Variants in ZRANB3 observed in about 807,000 individuals in gnomAD.
ZRANB3 encodes the protein DNA annealing helicase and endonuclease ZRANB3.
A neutral mutation model predicts 133.8 loss-of-function variants in ZRANB3; 125 were observed. That is an observed-to-expected ratio of 0.93 (90% CI 0.81 to 1.08). The LOEUF (loss-of-function observed/expected upper bound fraction) is 1.08, where lower values mean the gene tolerates loss of function less well. ZRANB3 is among the 50% of genes least tolerant of loss of function. The pLI, the probability that ZRANB3 is intolerant of heterozygous loss-of-function variation, is 0.00. For synonymous variants in ZRANB3, 387 were observed against 432.7 expected, an observed-to-expected ratio of 0.89 and a Z score of 1.31; for missense variants, 1,229 against 1,275.5, an observed-to-expected ratio of 0.96 and a Z score of 0.56.
Position 135,520,773 on chromosome 2 carries a change from C to T in ZRANB3, c.-8+10354G>A, listed in dbSNP as rs947313761. Among the ~76,000 whole-genome samples, 11 of 151,900 alleles carry T rather than the reference C, an allele frequency of 7.2e-5. No homozygotes were observed. The East Asian group carries it at 7.8e-4, about 11-fold the overall frequency. On this transcript the variant is annotated intron_variant, in intron 1 of 20. Transcript: ENST00000264159. ...CTAATTTTTGTGTTTTTAGTAGAGACGGGGTTACACCATCTTGGTCAGGCT... is the reference window on the plus strand; with the variant it reads ...CTAATTTTTGTGTTTTTAGTAGAGATGGGGTTACACCATCTTGGTCAGGCT...
intron 3 of ZRANB3, among the ~76,000 whole-genome samples, chr2:135,359,017 T>A (rs1338262156): frequency 6.6e-6 from 1 of 151,874 alleles, no homozygotes; most frequent in Non-Finnish European, 1.5e-5. Context: ...CTTGGGAGCC[T>A]GCCCTCCTCA....
chr2:135,290,341 T>G (rs1681623139), intron 8 of ZRANB3, among the ~76,000 whole-genome samples: 1 of 152,226 alleles, frequency 6.6e-6, no homozygotes, highest in Non-Finnish European at 1.5e-5. Flanking sequence ...TTCATCATTA[T>G]ATAATGTCCC....
chr2:135,526,809 T>C (rs1009442407), intron 1 of ZRANB3, among the ~76,000 whole-genome samples: 5 of 152,194 alleles, frequency 3.3e-5, no homozygotes, highest in Non-Finnish European at 5.9e-5. Context: ...ATTTACAACC[T>C]GCTCTCTCTG....
chr2:135,290,544 T>C (rs1402011649), intron 8 of ZRANB3, among the ~76,000 whole-genome samples: 1 of 152,226 alleles, frequency 6.6e-6, no homozygotes, highest in African/African-American at 2.4e-5. Context: ...GAATTCTTAT[T>C]CATTCTGCCA....
Position 135,230,711 on chromosome 2 carries a change from G to C in ZRANB3, c.1756C>G (p.His586Asp). Residue 586 changes from histidine to aspartate, a missense_variant, in exon 13 of 21, where the codon CAC becomes GAC. By Grantham distance (81) the His-to-Asp change is moderately conservative. Transcript: ENST00000264159. Reference protein sequence around the residue: ...KRLKLAASEDHCSPSEETPSQ... With the variant: ...KRLKLAASEDDCSPSEETPSQ... The stretch of plus-strand genomic sequence containing the variant: ...GGTGTCTCTTCCGACGGACTGCAGT[G>C]GTCTTCCGAGGCAGCCAATTTCAAT... 1 of 1,612,822 alleles carries C rather than the reference G, an allele frequency of 6.2e-7. No homozygotes were observed. Among genetic ancestry groups the C allele is most frequent in the Non-Finnish European group, 8.5e-7 (1 of 1,179,514 alleles).
chr2:135,351,279 T>G (rs1337090783), intron 4 of ZRANB3, among the ~76,000 whole-genome samples: 1 of 148,678 alleles, frequency 6.7e-6, no homozygotes, highest in African/African-American at 2.5e-5. Flanking sequence ...TTTTTTTTTT[T>G]TTTTTTGAGA....
At chr2:135,313,810 T>A (rs1213966367) in intron 7 of ZRANB3, among the ~76,000 whole-genome samples, 1 of 152,202 alleles carries the variant, frequency 6.6e-6, no homozygotes, top group African/African-American at 2.4e-5. Flanking sequence ...AAACCAATGA[T>A]AAGCTGTGGG....
intron 2 of ZRANB3, among the ~76,000 whole-genome samples, chr2:135,472,127 C>A (rs4954258): frequency 0.1 from 15,863 of 152,186 alleles, 1,091 homozygotes; most frequent in South Asian, 0.32. Flanking sequence ...TAAAACAAAA[C>A]ATACTGTCAT....
At chr2:135,491,347 A>G (rs1305495452) in intron 2 of ZRANB3, among the ~76,000 whole-genome samples, 1 of 152,052 alleles carries the variant, frequency 6.6e-6, no homozygotes, top group Non-Finnish European at 1.5e-5. Context: ...TATTTTTTTA[A>G]ATTAATTTAT....
chr2:135,253,761 C>A (rs1243749354), intron 12 of ZRANB3, among the ~76,000 whole-genome samples: 1 of 152,192 alleles, frequency 6.6e-6, no homozygotes, highest in Non-Finnish European at 1.5e-5. Flanking sequence ...TCCATTATAA[C>A]CTTATGAGAC....
chr2:135,457,886 C>A (rs1690598076), intron 2 of ZRANB3, among the ~76,000 whole-genome samples: 1 of 152,008 alleles, frequency 6.6e-6, no homozygotes, highest in Admixed American at 6.6e-5. Flanking sequence ...TTAATGATGT[C>A]CTTTAAAGCA....
Position 135,482,119 on chromosome 2 carries a change from G to A in ZRANB3, c.161+22210C>T, listed in dbSNP as rs868129381. On this transcript the variant is annotated intron_variant, in intron 2 of 20. Transcript: ENST00000264159. ...TGCGGGCTCTTTTTTGGTTCCATAT[G>A]AACTTTAAAGTAGTTTTTTCCAATT... is the stretch of plus-strand genomic sequence containing the variant. 7.5e-4 allele frequency among the ~76,000 whole-genome samples: 104 copies of A among 137,958 alleles called. 2 individuals carry two copies. Among genetic ancestry groups the A allele is most frequent in the African/African-American group, 3.1e-3 (99 of 32,180 alleles). The allele number at this position is 137,958 out of a possible 152,430, so 90.5% of individuals were successfully genotyped here.
At chr2:135,525,996 A>G (rs2104847992) in intron 1 of ZRANB3, among the ~76,000 whole-genome samples, 1 of 152,306 alleles carries the variant, frequency 6.6e-6, no homozygotes, top group Non-Finnish European at 1.5e-5. Context: ...GTATGTAGTC[A>G]AATTCAGAAA....
chr2:135,275,411 T>G (rs912362826), intron 9 of ZRANB3, among the ~76,000 whole-genome samples: 1 of 150,324 alleles, frequency 6.7e-6, no homozygotes, highest in Admixed American at 6.7e-5. Flanking sequence ...ATCCAGATAA[T>G]TTGGTCAGTG....
chr2:135,229,346 G>GGC (rs1694887243), intron 13 of ZRANB3, among the ~76,000 whole-genome samples: 5 of 151,834 alleles, frequency 3.3e-5, no homozygotes, highest in African/African-American at 1.2e-4. Context: ...TATCTTAGCT[G>GGC]AGTCTTTGTC....
chr2:135,299,050 T>G (rs184556287), intron 8 of ZRANB3, among the ~76,000 whole-genome samples: 226 of 152,300 alleles, frequency 1.5e-3, no homozygotes, highest in Non-Finnish European at 2.2e-3. Flanking sequence ...TCTCGGGCGA[T>G]GGACAGGACT....
At chr2:135,414,134 C>T (rs1004560616) in intron 2 of ZRANB3, among the ~76,000 whole-genome samples, 26 of 151,992 alleles carry the variant, frequency 1.7e-4, no homozygotes, top group Non-Finnish European at 2.5e-4. Context: ...GGACTAAATG[C>T]TCCATTTAAA....
intron 6 of ZRANB3, among the ~76,000 whole-genome samples, chr2:135,335,858 T>G (rs1347303257): frequency 6.6e-6 from 1 of 152,166 alleles, no homozygotes; most frequent in Non-Finnish European, 1.5e-5. Flanking sequence ...GAATATTTAT[T>G]AAAGTTGCCA....
At chr2:135,345,916 A>T (rs1684899780) in intron 5 of ZRANB3, among the ~76,000 whole-genome samples, 1 of 152,174 alleles carries the variant, frequency 6.6e-6, no homozygotes, top group Non-Finnish European at 1.5e-5. Context: ...GTCCCATAAA[A>T]CATGTCTCAG....
Sources: allele counts gnomAD v4.1 joint callset (sites outside exome capture counted in the v4.1 genomes callset), GRCh38; gene constraint gnomAD v4.1.1; transcripts MANE v1.5; gene names NCBI Gene and HGNC (gene_info 2026-07-23, HGNC 2026-07-21).